Variants in ZNF385D observed in about 807,000 individuals in gnomAD.
The protein encoded by ZNF385D is zinc finger protein 385D.
A neutral mutation model predicts 35.8 loss-of-function variants in ZNF385D; 15 were observed. That is an observed-to-expected ratio of 0.42 (90% CI 0.28 to 0.64). The LOEUF is 0.64. Among genes scored for constraint, ZNF385D ranks in the 30% least tolerant of loss-of-function variants. ZNF385D has a pLI of 0.23. For synonymous variants in ZNF385D, 212 were observed against 186.8 expected, an observed-to-expected ratio of 1.13 and a Z score of -1.10; for missense variants, 474 against 494.6, an observed-to-expected ratio of 0.96 and a Z score of 0.39.
At chr3:21,590,196 C>T (rs2063929507) in intron 2 of ZNF385D, among the ~76,000 whole-genome samples, 1 of 152,050 alleles carries the variant, frequency 6.6e-6, no homozygotes, top group Non-Finnish European at 1.5e-5. Context: ...AATGTGTCAA[C>T]ATGGATGGAT....
At chr3:22,331,592 A>T (rs1048324891) in intron 2 of ZNF385D, among the ~76,000 whole-genome samples, 1 of 152,146 alleles carries the variant, frequency 6.6e-6, no homozygotes, top group Non-Finnish European at 1.5e-5. Flanking sequence ...GTATCTCCAA[A>T]ACAGAATAGA....
At chr3:21,509,740 G>C (rs1707058057) in intron 4 of ZNF385D, among the ~76,000 whole-genome samples, 1 of 152,098 alleles carries the variant, frequency 6.6e-6, no homozygotes, top group Admixed American at 6.5e-5. Context: ...TCAGGCTGAG[G>C]GAAAACACAG....
chr3:22,345,608 A>G (rs762823539), intron 2 of ZNF385D, among the ~76,000 whole-genome samples: 2 of 152,218 alleles, frequency 1.3e-5, no homozygotes, highest in Non-Finnish European at 2.9e-5. Flanking sequence ...GATGCTTAAT[A>G]TAACTTATGT....
intron 3 of ZNF385D, among the ~76,000 whole-genome samples, chr3:22,034,233 A>G (rs73822820): frequency 0.043 from 6,608 of 152,196 alleles, 233 homozygotes; most frequent in East Asian, 0.12. Flanking sequence ...TCGTGAATGA[A>G]ATTAGTGATC....
intron 6 of ZNF385D, among the ~76,000 whole-genome samples, chr3:21,425,266 T>C (rs1343207777): frequency 6.6e-6 from 1 of 152,224 alleles, no homozygotes; most frequent in African/African-American, 2.4e-5. Context: ...TGAAAGATTC[T>C]AGAATCTATT....
rs1700623086 is a variant in ZNF385D at position 21,418,895 on chromosome 3, G to A, written c.*2319C>T. The A allele has an allele frequency of 6.6e-6, 1 of 152,092 alleles. No homozygotes were observed. The highest frequency in any genetic ancestry group is 2.1e-4 in the South Asian group (1 of 4,822). The allele number at this position is 152,092 out of a possible 1,614,324, so 9.4% of individuals were successfully genotyped here. A position where few individuals can be genotyped will look rare whatever the true frequency, so the allele number is the denominator to read the frequency against. ...CAAAATGGTTAGAAGCTGGTCACAT[G>A]GGATACAGACAGAGCCCCAAACAAC... On this transcript the variant is annotated 3_prime_UTR_variant, in exon 8 of 8. Coordinates refer to ENST00000281523, the MANE Select transcript of ZNF385D (RefSeq NM_024697.3).
chr3:22,027,634 G>C (rs904831418), intron 3 of ZNF385D, among the ~76,000 whole-genome samples: 6 of 152,168 alleles, frequency 3.9e-5, no homozygotes, highest in African/African-American at 9.7e-5. Context: ...TGCCTATCAT[G>C]AACTGGGTGC....
intron 3 of ZNF385D, among the ~76,000 whole-genome samples, chr3:22,128,489 C>T (rs1703576322): frequency 6.6e-6 from 1 of 152,000 alleles, no homozygotes; most frequent in South Asian, 2.1e-4. Context: ...CCAATAGCTC[C>T]TCTTTAAGAT....
intron 2 of ZNF385D, among the ~76,000 whole-genome samples, chr3:22,195,484 A>G (rs1266610082): frequency 3.3e-5 from 5 of 152,042 alleles, no homozygotes; most frequent in Non-Finnish European, 7.4e-5. Context: ...TATGTCATAT[A>G]TAAGAACACT....
At chr3:21,811,649 A>G (rs567435142) in intron 3 of ZNF385D, among the ~76,000 whole-genome samples, 16 of 152,326 alleles carry the variant, frequency 1.1e-4, no homozygotes, top group East Asian at 1.9e-4. Context: ...TATTTATCCT[A>G]TACTGTATAA....
rs17009696 is a variant in ZNF385D, at chr3:21,836,886, G to T, written c.326-171858C>A. The stretch of plus-strand genomic sequence containing the variant: ...TAAATATCTTAGAATGGTGAGAACC[G>T]GGAATAATCATTTGGCTTATTCCAC... On this transcript the variant is annotated intron_variant, in intron 3 of 5. Transcript: ENST00000494108. Among the ~76,000 whole-genome samples the T allele has an allele frequency of 7.9e-5, 12 of 152,122 alleles. No individual in the cohort carries two copies. In the East Asian group the frequency reaches 1.7e-3, roughly 22 times the overall value.
intron 3 of ZNF385D, among the ~76,000 whole-genome samples, chr3:22,077,031 G>C (rs1700497845): frequency 6.6e-6 from 1 of 151,848 alleles, no homozygotes. Context: ...TTAAAAATAA[G>C]TGTGAGTTAT....
intron 2 of ZNF385D, among the ~76,000 whole-genome samples, chr3:22,252,265 C>T (rs2638154): frequency 0.39 from 59,299 of 151,758 alleles, 11,847 homozygotes; most frequent in African/African-American, 0.44. Flanking sequence ...AGGGGAGGGG[C>T]ACTGGTCATT....
chr3:22,248,573 A>G (rs1699908001), intron 2 of ZNF385D, among the ~76,000 whole-genome samples: 1 of 135,264 alleles, frequency 7.4e-6, no homozygotes, highest in Non-Finnish European at 1.7e-5. Flanking sequence ...TTCAGGAGGC[A>G]AGGCTTTTGG....
chr3:21,518,035 T>C (rs1203106922), intron 3 of ZNF385D, among the ~76,000 whole-genome samples: 1 of 152,096 alleles, frequency 6.6e-6, no homozygotes, highest in Non-Finnish European at 1.5e-5. Flanking sequence ...GCCCTGCAGG[T>C]GATTTGGTTA....
At chr3:21,830,271 T>A (rs533807645) in intron 3 of ZNF385D, among the ~76,000 whole-genome samples, 2 of 152,244 alleles carry the variant, frequency 1.3e-5, no homozygotes, top group African/African-American at 2.4e-5. Context: ...TATTTCGGGA[T>A]TGTATCCTAG....
intron 3 of ZNF385D, among the ~76,000 whole-genome samples, chr3:22,111,333 T>C (rs1702524536): frequency 6.6e-6 from 1 of 151,908 alleles, no homozygotes; most frequent in Non-Finnish European, 1.5e-5. Context: ...GTTTACTAAA[T>C]ATGTATGAGA....
intron 3 of ZNF385D, among the ~76,000 whole-genome samples, chr3:21,821,980 A>AAT (rs1360433728): frequency 6.6e-6 from 1 of 151,828 alleles, no homozygotes; most frequent in Non-Finnish European, 1.5e-5. Flanking sequence ...AAAAAAAAAA[A>AAT]AAAAATTTAA....
intron 3 of ZNF385D, chr3:22,134,285 T>C (rs1703973297): frequency 6.6e-6 from 1 of 151,888 alleles, no homozygotes; most frequent in Non-Finnish European, 1.5e-5. Context: ...CAAAATGTAA[T>C]TCAGAACAAA....
Sources: allele counts gnomAD v4.1 joint callset (sites outside exome capture counted in the v4.1 genomes callset), GRCh38; gene constraint gnomAD v4.1.1; transcripts MANE v1.5; gene names NCBI Gene and HGNC (gene_info 2026-07-23, HGNC 2026-07-21).